The following CACNA2D3 variants were observed in gnomAD, a reference collection of about 807,000 sequenced individuals.
The protein encoded by CACNA2D3 is calcium voltage-gated channel auxiliary subunit alpha2delta 3, also known as voltage-dependent calcium channel subunit alpha-2/delta-3.
In CACNA2D3, 60 loss-of-function variants were observed where a neutral mutation model predicts 160.6. That is an observed-to-expected ratio of 0.37 (90% confidence interval 0.30 to 0.46). The LOEUF (loss-of-function observed/expected upper bound fraction) is 0.46. CACNA2D3 is among the 20% of genes least tolerant of loss of function. The pLI, the probability that CACNA2D3 is intolerant of heterozygous loss-of-function variation, is 1.00. For synonymous variants in CACNA2D3, 558 were observed against 492.9 expected, an observed-to-expected ratio of 1.13 and a Z score of -1.75; for missense variants, 1,205 against 1,365.0, an observed-to-expected ratio of 0.88 and a Z score of 1.85.
chr3:55,017,309 T>G (rs967949747), intron 34 of CACNA2D3, among the ~76,000 whole-genome samples: 59 of 152,186 alleles, frequency 3.9e-4, no homozygotes, highest in African/African-American at 1.3e-3. Flanking sequence ...GGATTGGTAC[T>G]CCAAACTTCT....
In CACNA2D3 at chr3:54,730,214, T is replaced by C. The variant is rs1470279885; in HGVS notation, c.1168-22385T>C. Reference sequence around the variant, plus strand: ...TGCTGTCCAGGTTCTTAGAGCATAGTAATGAACAAGACACAAAATGTCCAC... The same window carrying C: ...TGCTGTCCAGGTTCTTAGAGCATAGCAATGAACAAGACACAAAATGTCCAC... On this transcript the variant is annotated intron_variant, in intron 11 of 37. Coordinates refer to ENST00000474759, the MANE Select transcript of CACNA2D3 (RefSeq NM_018398.3). Among the ~76,000 whole-genome samples the C allele has an allele frequency of 2.6e-5, 4 of 152,146 alleles. No individual in the cohort carries two copies. In the South Asian group the frequency reaches 8.3e-4, roughly 32 times the overall value.
intron 13 of CACNA2D3, among the ~76,000 whole-genome samples, chr3:54,784,779 C>G (rs752257802): frequency 2.6e-5 from 4 of 152,166 alleles, no homozygotes; most frequent in Admixed American, 1.3e-4. Flanking sequence ...GGCAGGGGAC[C>G]TGACCCCAGA....
chr3:54,868,238 A>G (rs1312680891), intron 17 of CACNA2D3, among the ~76,000 whole-genome samples: 1 of 152,200 alleles, frequency 6.6e-6, no homozygotes, highest in East Asian at 1.9e-4. Context: ...TATATTCTAA[A>G]GGAGCTTATT....
intron 13 of CACNA2D3, among the ~76,000 whole-genome samples, chr3:54,804,470 G>T (rs913543223): frequency 3.3e-5 from 5 of 152,162 alleles, no homozygotes; most frequent in Admixed American, 3.3e-4. Context: ...ATACATAATG[G>T]TAAAGGGATC....
At chr3:54,213,469 G>A (rs531705790) in intron 2 of CACNA2D3, among the ~76,000 whole-genome samples, 11 of 152,142 alleles carry the variant, frequency 7.2e-5, no homozygotes, top group Non-Finnish European at 1.5e-4. Context: ...CCTTAGTTGC[G>A]GCTCATCGTC....
intron 5 of CACNA2D3, among the ~76,000 whole-genome samples, chr3:54,554,692 C>T (rs1369367892): frequency 6.6e-6 from 1 of 152,028 alleles, no homozygotes; most frequent in East Asian, 1.9e-4. Flanking sequence ...GGTCCAAGGC[C>T]ATCAGCTAAC....
At chr3:54,887,703 G>A (rs914665790) in intron 23 of CACNA2D3, among the ~76,000 whole-genome samples, 29 of 152,288 alleles carry the variant, frequency 1.9e-4, no homozygotes, top group Non-Finnish European at 3.4e-4. Flanking sequence ...GGGTGAGAAA[G>A]CAAGAAACTG....
chr3:54,854,300 C>T (rs1699121071), intron 17 of CACNA2D3, among the ~76,000 whole-genome samples: 1 of 152,178 alleles, frequency 6.6e-6, no homozygotes, highest in African/African-American at 2.4e-5. Flanking sequence ...GTGCTTTCTT[C>T]CTGACGGAAT....
At chr3:54,682,658 G>C (rs1038834702) in intron 11 of CACNA2D3, among the ~76,000 whole-genome samples, 1 of 149,840 alleles carries the variant, frequency 6.7e-6, no homozygotes, top group Non-Finnish European at 1.5e-5. Flanking sequence ...AGAATTACAA[G>C]TTCAAAAAGT....
chr3:54,580,010 AG>A (rs1487342767), intron 8 of CACNA2D3, among the ~76,000 whole-genome samples: 2 of 152,132 alleles, frequency 1.3e-5, no homozygotes, highest in Non-Finnish European at 2.9e-5. Flanking sequence ...GGGGCCAGAG[AG>A]GATAAGTTGG....
chr3:54,270,541 C>T (rs1165725375), intron 2 of CACNA2D3, among the ~76,000 whole-genome samples: 1 of 151,460 alleles, frequency 6.6e-6, no homozygotes, highest in Non-Finnish European at 1.5e-5. Flanking sequence ...TCCTGCATAA[C>T]AATTTAGGAG....
chr3:54,941,079 G>A (rs1200631924), intron 27 of CACNA2D3, among the ~76,000 whole-genome samples: 1 of 152,166 alleles, frequency 6.6e-6, no homozygotes. Flanking sequence ...CTGGACTAGG[G>A]GAGGTTTTCC....
chr3:54,414,699 G>A (rs1275428094), intron 4 of CACNA2D3, among the ~76,000 whole-genome samples: 1 of 150,924 alleles, frequency 6.6e-6, no homozygotes, highest in Non-Finnish European at 1.5e-5. Context: ...GTGACTATAA[G>A]TCTTAATTTG....
chr3:54,891,314 T>A, intron 24 of CACNA2D3, 41 bp from the exon 25 acceptor site: 1 of 1,365,546 alleles, frequency 7.3e-7, no homozygotes, highest in Non-Finnish European at 1.0e-6. Flanking sequence ...ATCTGCTTAC[T>A]GTCTAGAGGC....
At chr3:54,401,652 A>G (rs1259435476) in intron 4 of CACNA2D3, among the ~76,000 whole-genome samples, 1 of 152,226 alleles carries the variant, frequency 6.6e-6, no homozygotes, top group Non-Finnish European at 1.5e-5. Context: ...TACCCATTAA[A>G]GGTGTCCTTC....
intron 2 of CACNA2D3, among the ~76,000 whole-genome samples, chr3:54,264,604 A>T (rs1402242367): frequency 6.6e-6 from 1 of 152,240 alleles, no homozygotes; most frequent in African/African-American, 2.4e-5. Context: ...AAACGGAGAC[A>T]TAGAGGATGT....
chr3:54,852,847 G>A (rs1699088011), intron 17 of CACNA2D3, among the ~76,000 whole-genome samples: 1 of 152,116 alleles, frequency 6.6e-6, no homozygotes, highest in African/African-American at 2.4e-5. Context: ...TTAAATAAGG[G>A]TTTAAAAAGG....
chr3:54,430,121 C>A (rs945069314), intron 4 of CACNA2D3, among the ~76,000 whole-genome samples: 1 of 152,194 alleles, frequency 6.6e-6, no homozygotes, highest in South Asian at 2.1e-4. Context: ...TATGTCCTTG[C>A]TGCGCAACTA....
intron 27 of CACNA2D3, among the ~76,000 whole-genome samples, chr3:54,935,957 A>AT (rs1309942833): frequency 6.6e-6 from 1 of 152,166 alleles, no homozygotes; most frequent in Non-Finnish European, 1.5e-5. Context: ...CAATCATTTC[A>AT]TTTTAGAACA....
Sources: gnomAD v4.1 joint callset for allele counts (sites outside exome capture counted in the v4.1 genomes callset) on GRCh38, gnomAD v4.1.1 for gene constraint, MANE v1.5 for transcripts, NCBI Gene and HGNC (gene_info 2026-07-23, HGNC 2026-07-21) for gene names.